Variants in RPTOR observed in about 807,000 individuals in gnomAD.
RPTOR encodes regulatory-associated protein of mTOR.
Under a neutral mutation model 169.9 loss-of-function variants are expected in RPTOR, and 21 were observed. The ratio of observed to expected loss-of-function variants is 0.12; its 90% CI spans 0.09 to 0.18. RPTOR has a LOEUF of 0.18. RPTOR is among the 10% of genes least tolerant of loss of function. The pLI is 1.00. For synonymous variants in RPTOR, 732 were observed against 753.2 expected, an observed-to-expected ratio of 0.97 and a Z score of 0.46; for missense variants, 1,133 against 1,855.9, an observed-to-expected ratio of 0.61 and a Z score of 7.16.
Position 80,812,943 on chromosome 17 carries a change from C to A in RPTOR, c.891-9258C>A, listed in dbSNP as rs573009719. On this transcript the variant is annotated intron_variant, in intron 7 of 33. Transcript: ENST00000306801. ...AGGGTCCGCAGGCACAGAGTTGGACCCACGTCCCCAGCCTTCCATGTCCAG... is the reference window on the plus strand; with the variant it reads ...AGGGTCCGCAGGCACAGAGTTGGACACACGTCCCCAGCCTTCCATGTCCAG... Among the ~76,000 whole-genome samples, 6 of 152,322 alleles carry A rather than the reference C, an allele frequency of 3.9e-5. No homozygotes were observed. In the South Asian group the frequency reaches 1.0e-3, roughly 26 times the overall value.
intron 5 of RPTOR, among the ~76,000 whole-genome samples, chr17:80,748,100 C>T (rs2066594526): frequency 1.0e-5 from 1 of 99,046 alleles, no homozygotes; most frequent in Non-Finnish European, 1.9e-5. Flanking sequence ...GAGGCCGTGG[C>T]GGGAGGACCT....
rs200520963 is a variant in RPTOR, at chr17:80,960,258, G to A, written c.3605+53G>A. 7.8e-5 allele frequency: 126 copies of A among 1,606,882 alleles called. No individual in the cohort carries two copies. Among genetic ancestry groups the A allele is most frequent in the Non-Finnish European group, 2.4e-5 (28 of 1,175,268 alleles). On this transcript the variant is annotated intron_variant, in intron 30 of 33. Coordinates refer to ENST00000306801, the MANE Select transcript of RPTOR (RefSeq NM_020761.3). The surrounding 1 kb of genome is among the most constrained non-coding windows in gnomAD (Gnocchi z 4.8). ...CGAGTGCTGGCAGGGTACCTTCCAG[G>A]TGGTAGGGCCGTGTCACTGCCATTT...
chr17:80,938,328 G>A (rs2068979797), intron 24 of RPTOR, among the ~76,000 whole-genome samples: 1 of 152,154 alleles, frequency 6.6e-6, no homozygotes, highest in Admixed American at 6.5e-5. Flanking sequence ...GCCGGGCCAA[G>A]GAGCTGGAAT....
chr17:80,863,678 G>T (rs1479666665), intron 13 of RPTOR, among the ~76,000 whole-genome samples: 1 of 152,210 alleles, frequency 6.6e-6, no homozygotes. Context: ...ACTTTTGGAG[G>T]CTGAGGCAGA....
At chr17:80,630,981 C>T (rs774839202) in intron 2 of RPTOR, among the ~76,000 whole-genome samples, 4 of 152,158 alleles carry the variant, frequency 2.6e-5, no homozygotes, top group Admixed American at 6.5e-5. Flanking sequence ...GGGCGTAGTG[C>T]GGTTGCAGTG....
intron 6 of RPTOR, among the ~76,000 whole-genome samples, chr17:80,783,729 G>A (rs1235482296): frequency 6.6e-6 from 1 of 152,230 alleles, no homozygotes; most frequent in Non-Finnish European, 1.5e-5. Flanking sequence ...AGAAAGCTCC[G>A]ATGAGGTGTT....
chr17:80,925,315 G>A, intron 23 of RPTOR, 55 bp from the exon 24 acceptor site: 1 of 1,469,976 alleles, frequency 6.8e-7, no homozygotes, highest in Non-Finnish European at 9.4e-7. Context: ...CTCAGGAGTG[G>A]CATGACTGAC....
chr17:80,545,568 T>A lies in RPTOR; in HGVS notation c.-62T>A, dbSNP rs1015364252. 7.5e-7 allele frequency: 1 copy of A among 1,330,322 alleles called. No homozygotes were observed. The highest frequency in any genetic ancestry group is 1.5e-5 in the African/African-American group (1 of 66,830). 82.4% of individuals were successfully genotyped at this position (1,330,322 alleles called of 1,614,324 possible). A position where few individuals can be genotyped will look rare whatever the true frequency, so the allele number is the denominator to read the frequency against. On this transcript the variant is annotated 5_prime_UTR_variant, in exon 1 of 34. Coordinates refer to ENST00000306801, the MANE Select transcript of RPTOR (RefSeq NM_020761.3). ...TTCACCAATTCTGGTACACGCTAGT[T>A]TTTAAGGCTGGAGGTTCTCGAGCGC...
intron 11 of RPTOR, among the ~76,000 whole-genome samples, chr17:80,849,333 G>A (rs1348712220): frequency 2.0e-5 from 3 of 152,176 alleles, no homozygotes; most frequent in Non-Finnish European, 4.4e-5. Flanking sequence ...GCCCTCCAGG[G>A]TCACGCACGG....
intron 24 of RPTOR, among the ~76,000 whole-genome samples, chr17:80,935,031 A>C (rs1015797817): frequency 7.2e-5 from 11 of 152,136 alleles, no homozygotes; most frequent in African/African-American, 2.7e-4. Context: ...AAAAAAAAAA[A>C]AAAAGGCATT....
intron 21 of RPTOR, among the ~76,000 whole-genome samples, chr17:80,915,796 T>C (rs2068666440): frequency 6.8e-6 from 1 of 146,520 alleles, no homozygotes; most frequent in Non-Finnish European, 1.5e-5. Flanking sequence ...TGCTGAGAGC[T>C]GAGCAGACGT....
chr17:80,579,584 A>G (rs1350482401), intron 1 of RPTOR, among the ~76,000 whole-genome samples: 1 of 152,234 alleles, frequency 6.6e-6, no homozygotes, highest in Non-Finnish European at 1.5e-5. Flanking sequence ...GGCTGGAGGC[A>G]AGGAAGAGGA....
intron 1 of RPTOR, among the ~76,000 whole-genome samples, chr17:80,554,465 G>C (rs9901646): frequency 0.44 from 67,056 of 151,796 alleles, 15,108 homozygotes; most frequent in Middle Eastern, 0.51. Context: ...AATCCAAGGT[G>C]GGGTGCGGTG....
chr17:80,547,771 T>G (rs2084294994), intron 1 of RPTOR, among the ~76,000 whole-genome samples: 2 of 152,072 alleles, frequency 1.3e-5, no homozygotes, highest in Non-Finnish European at 1.5e-5. Flanking sequence ...GATGGTAGCA[T>G]AAGAGAATGA....
At chr17:80,951,031 G>A (rs1265267348) in intron 28 of RPTOR, among the ~76,000 whole-genome samples, 1 of 152,120 alleles carries the variant, frequency 6.6e-6, no homozygotes, top group Non-Finnish European at 1.5e-5. Flanking sequence ...GGACACACCC[G>A]TGGCTAGCCC....
intron 3 of RPTOR, among the ~76,000 whole-genome samples, chr17:80,653,694 G>A (rs1229864699): frequency 6.6e-6 from 1 of 152,256 alleles, no homozygotes; most frequent in African/African-American, 2.4e-5. Context: ...CTGCGGCCCT[G>A]TGGGTCTCTG....
At chr17:80,794,647 G>T (rs2067083097) in intron 7 of RPTOR, among the ~76,000 whole-genome samples, 1 of 152,198 alleles carries the variant, frequency 6.6e-6, no homozygotes, top group Non-Finnish European at 1.5e-5. Flanking sequence ...ACCCCAAGCC[G>T]GAAGCAACCA....
At chr17:80,888,781 G>A (rs1258120385) in intron 17 of RPTOR, among the ~76,000 whole-genome samples, 3 of 152,244 alleles carry the variant, frequency 2.0e-5, no homozygotes, top group Admixed American at 6.5e-5. Flanking sequence ...GACCCCGCAG[G>A]GCACTAACCC....
chr17:80,834,887 C>G (rs537091397), intron 9 of RPTOR, among the ~76,000 whole-genome samples: 2 of 152,362 alleles, frequency 1.3e-5, no homozygotes, highest in East Asian at 3.9e-4. Context: ...TCGCCTCCAC[C>G]TCCCCTAACT....
Sources: gnomAD v4.1 joint callset for allele counts (sites outside exome capture counted in the v4.1 genomes callset) on GRCh38, gnomAD v4.1.1 for gene constraint, Gnocchi (gnomAD v3.1) non-coding constraint, MANE v1.5 for transcripts, NCBI Gene and HGNC (gene_info 2026-07-23, HGNC 2026-07-21) for gene names.